The following NAA20 variants were observed in gnomAD, a reference collection of about 807,000 sequenced individuals.
The protein encoded by NAA20 is N-alpha-acetyltransferase 20.
NAA20 carries 24 observed loss-of-function variants against 23.8 expected under a neutral mutation model. The observed-to-expected ratio is 1.01, with a 90% CI of 0.73 to 1.42. The LOEUF (loss-of-function observed/expected upper bound fraction) is 1.42, where lower values mean the gene tolerates loss of function less well. Ranked by LOEUF, NAA20 falls within the 40% of genes most tolerant of loss-of-function variation. NAA20 has a pLI of 0.00. For missense variants in NAA20, 166 were observed against 223.1 expected (o/e 0.74, Z 1.63); for synonymous variants, 83 against 77.7 (o/e 1.07, Z -0.36).
In NAA20 at chr20:20,026,917, A is replaced by G. The variant is rs2043310634; in HGVS notation, c.303A>G (p.Glu101=). Residue 101 remains glutamate, a splice_region_variant and synonymous_variant, in exon 4 of 6, where the codon GAA becomes GAG. Transcript: ENST00000334982. ...KLMELLEEIS[E]RKGGFFVDLF... The stretch of plus-strand genomic sequence containing the variant: ...TGGAGTTACTAGAGGAGATTTCAGA[A>G]AGGTGAGATTCAGTTTTTCAAATAC... 1.2e-6 allele frequency: 2 copies of G among 1,614,088 alleles called. No individual in the cohort carries two copies. Among genetic ancestry groups the G allele is most frequent in the African/African-American group, 1.3e-5 (1 of 74,940 alleles).
At position 20,017,859 on chromosome 20, in the gene NAA20, C is replaced by T. The variant is rs1298851366; in HGVS notation, c.53+410C>T. 7.0e-6 allele frequency: 11 copies of T among 1,561,926 alleles called. No individual in the cohort carries two copies. In the East Asian group the frequency reaches 2.0e-4, roughly 29 times the overall value. ...GCTGGTTCGTGGCCGGGCCGCGCCT[C>T]TTCTGGGCAGAGGGCACCGCCGACG... On this transcript the variant is annotated intron_variant, in intron 1 of 5. Transcript: ENST00000334982.
intron 1 of NAA20, chr20:20,018,781 T>TTAA (rs1368527828): frequency 2.1e-6 from 1 of 476,982 alleles, no homozygotes; most frequent in African/African-American, 2.1e-5. Flanking sequence ...AATAATCCAG[T>TTAA]TAATCCTCAC....
At chr20:20,027,543 ACTCAG>A (rs1343572031) in intron 4 of NAA20, among the ~76,000 whole-genome samples, 1 of 152,040 alleles carries the variant, frequency 6.6e-6, no homozygotes. Context: ...ACTGCCAGAA[ACTCAG>A]CTTCATAGAA....
intron 4 of NAA20, among the ~76,000 whole-genome samples, chr20:20,028,393 G>A (rs148941051): frequency 2.2e-3 from 341 of 152,146 alleles, no homozygotes; most frequent in African/African-American, 7.7e-3. Context: ...TGTAGATGAC[G>A]AGTTGATGGG....
intron 1 of NAA20, among the ~76,000 whole-genome samples, chr20:20,021,239 A>G (rs2043266242): frequency 6.6e-6 from 1 of 152,166 alleles, no homozygotes; most frequent in Non-Finnish European, 1.5e-5. Flanking sequence ...GGAGTGGGCC[A>G]GGGTTTGGGG....
rs16981441 is a variant in NAA20, at chr20:20,028,536, T to A, written c.305+1617T>A. Reference sequence around the variant, plus strand: ...ACTAGCTATGACCTTGCACATATAATTTAGGGTATTTGTATGATAGATTCT... The same window carrying A: ...ACTAGCTATGACCTTGCACATATAAATTAGGGTATTTGTATGATAGATTCT... On this transcript the variant is annotated intron_variant, in intron 4 of 5. Coordinates refer to ENST00000334982, the MANE Select transcript of NAA20 (RefSeq NM_016100.5). 6.8e-3 allele frequency among the ~76,000 whole-genome samples: 1,033 copies of A among 152,216 alleles called. 21 individuals are homozygous for A. The highest frequency in any genetic ancestry group is 0.046 in the East Asian group (239 of 5,186).
intron 1 of NAA20, chr20:20,017,718 G>A (rs2043241050): frequency 7.0e-7 from 1 of 1,430,564 alleles, no homozygotes; most frequent in Non-Finnish European, 9.1e-7. Flanking sequence ...GCAGGTTCTG[G>A]GGCAGCGCTC....
At chr20:20,021,570 T>G (rs2043268616) in intron 1 of NAA20, among the ~76,000 whole-genome samples, 2 of 152,212 alleles carry the variant, frequency 1.3e-5, no homozygotes, top group Admixed American at 1.3e-4. Context: ...TATTTAAAAT[T>G]TTTAAATCTC....
At chr20:20,026,666 G>T in intron 3 of NAA20, 118 bp from the exon 4 acceptor site, 1 of 1,227,520 alleles carries the variant, frequency 8.1e-7, no homozygotes, top group Non-Finnish European at 1.2e-6. Flanking sequence ...ACCTCAGGTG[G>T]TACTTAAAAA....
At chr20:20,029,876 A>G (rs1194121764) in intron 4 of NAA20, among the ~76,000 whole-genome samples, 1 of 149,528 alleles carries the variant, frequency 6.7e-6, no homozygotes, top group East Asian at 2.0e-4. Flanking sequence ...TCTTGGTTAC[A>G]TAGTTTTTTG....
At chr20:20,021,427 G>T (rs553548137) in intron 1 of NAA20, among the ~76,000 whole-genome samples, 17 of 152,280 alleles carry the variant, frequency 1.1e-4, no homozygotes, top group African/African-American at 4.1e-4. Context: ...TTTTAAGCAG[G>T]ACGTTGCAGA....
intron 2 of NAA20, among the ~76,000 whole-genome samples, chr20:20,023,618 G>A (rs1239375986): frequency 1.3e-5 from 2 of 151,866 alleles, no homozygotes; most frequent in East Asian, 2.0e-4. Flanking sequence ...CGGATTCTGT[G>A]TTATGCTCTG....
chr20:20,025,603 C>A, intron 2 of NAA20, 74 bp from the exon 3 acceptor site: 2 of 1,143,210 alleles, frequency 1.7e-6, no homozygotes, highest in Non-Finnish European at 2.6e-6. Flanking sequence ...TTAAAGGAAA[C>A]TTTTTTTACA....
intron 4 of NAA20, 116 bp from the exon 5 acceptor site, chr20:20,032,392 C>A: frequency 2.1e-6 from 2 of 930,866 alleles, no homozygotes; most frequent in Non-Finnish European, 3.1e-6. Context: ...CCTATTACTA[C>A]CATTCTGAGT....
At chr20:20,025,430 T>C (rs1327219983) in intron 2 of NAA20, among the ~76,000 whole-genome samples, 1 of 152,216 alleles carries the variant, frequency 6.6e-6, no homozygotes, top group Admixed American at 6.5e-5. Context: ...TTTGGGGTCC[T>C]GATTCTCTGC....
At chr20:20,024,988 A>G (rs1159753133) in intron 2 of NAA20, among the ~76,000 whole-genome samples, 1 of 152,182 alleles carries the variant, frequency 6.6e-6, no homozygotes, top group Non-Finnish European at 1.5e-5. Context: ...AGAAGAAGAG[A>G]AATGTAGGAA....
intron 5 of NAA20, 92 bp downstream of exon 5, chr20:20,032,745 G>T: frequency 7.1e-7 from 1 of 1,403,428 alleles, no homozygotes; most frequent in Non-Finnish European, 9.4e-7. Context: ...AATAAATGTA[G>T]AATATTTGAC....
intron 2 of NAA20, 135 bp from the exon 3 acceptor site, chr20:20,025,542 G>A (rs1353407878): frequency 9.1e-6 from 6 of 660,962 alleles, no homozygotes; most frequent in South Asian, 7.4e-5. Flanking sequence ...GTAATGGTAT[G>A]TATGATTATA....
Position 20,022,433 on chromosome 20 carries a change from G to C in NAA20, c.54-23G>C, listed in dbSNP as rs545556134. On this transcript the variant is annotated intron_variant, in intron 1 of 5. Coordinates refer to ENST00000334982, the MANE Select transcript of NAA20 (RefSeq NM_016100.5). ...GTTATTGTAAACGCTGCTTACTAGA[G>C]ACATTTCTCTTGTTTCTTTCAGTAA... 4.0e-4 allele frequency: 628 copies of C among 1,586,114 alleles called. 3 individuals carry two copies. In the South Asian group the frequency reaches 6.2e-3, roughly 16 times the overall value.
Sources: allele counts gnomAD v4.1 joint callset (sites outside exome capture counted in the v4.1 genomes callset), GRCh38; gene constraint gnomAD v4.1.1; transcripts MANE v1.5; gene names NCBI Gene and HGNC (gene_info 2026-07-23, HGNC 2026-07-21).